ITGBL1: variants seen among roughly 807,000 people sequenced by gnomAD.
ITGBL1 encodes integrin beta-like protein 1.
In ITGBL1, 51 loss-of-function variants were observed where a neutral mutation model predicts 68.5. The ratio of observed to expected loss-of-function variants is 0.74; its 90% CI spans 0.59 to 0.94. ITGBL1 has a LOEUF of 0.94. Ranked by LOEUF, ITGBL1 falls within the 40% of genes least tolerant of loss-of-function variation. The probability of loss-of-function intolerance (pLI) is 0.00; values close to 1 mark genes in which losing one functional copy is unlikely to be tolerated. For synonymous variants in ITGBL1, 209 were observed against 227.3 expected, an observed-to-expected ratio of 0.92 and a Z score of 0.72; for missense variants, 649 against 647.4, an observed-to-expected ratio of 1.00 and a Z score of -0.03.
chr13:101,574,670 T>C (rs2050326501), intron 3 of ITGBL1, among the ~76,000 whole-genome samples: 1 of 152,142 alleles, frequency 6.6e-6, no homozygotes, highest in Non-Finnish European at 1.5e-5. Flanking sequence ...CAAGTGGGCA[T>C]TCTACCTCTC....
At position 101,526,693 on chromosome 13, in the gene ITGBL1, GAA is replaced by G. The variant is rs1185062055; in HGVS notation, c.317-41003_317-41002del. ...TGTGTGTGTGTGTGTGTGTATGTAA[GAA>G]AAGTTCAGTAAACACCTTTAGCACC... is the stretch of plus-strand genomic sequence containing the variant. On this transcript the variant is annotated intron_variant, in intron 2 of 10. Transcript: ENST00000376180. Among the ~76,000 whole-genome samples the G allele has an allele frequency of 1.6e-4, 24 of 146,874 alleles. No individual in the cohort carries two copies. The Admixed American group carries it at 1.7e-3, about 10-fold the overall frequency.
At chr13:101,693,736 G>A (rs566346812) in intron 8 of ITGBL1, among the ~76,000 whole-genome samples, 2 of 151,942 alleles carry the variant, frequency 1.3e-5, no homozygotes, top group Non-Finnish European at 2.9e-5. Context: ...TCTAACCAAC[G>A]ATAAGACATT....
intron 2 of ITGBL1, among the ~76,000 whole-genome samples, chr13:101,511,826 C>T (rs576532229): frequency 3.5e-4 from 53 of 152,188 alleles, no homozygotes; most frequent in Non-Finnish European, 1.2e-4. Context: ...TGTGCCCAGA[C>T]TCCTGATCTG....
intron 2 of ITGBL1, among the ~76,000 whole-genome samples, chr13:101,512,745 T>C (rs1445177783): frequency 6.6e-6 from 1 of 152,178 alleles, no homozygotes; most frequent in African/African-American, 2.4e-5. Context: ...TGGATTCTTA[T>C]CTATAATTAC....
chr13:101,624,544 A>T (rs971078343), intron 7 of ITGBL1, among the ~76,000 whole-genome samples: 4 of 152,184 alleles, frequency 2.6e-5, no homozygotes, highest in African/African-American at 9.6e-5. Context: ...AGAAAAACAG[A>T]GGTAGAATAA....
chr13:101,494,509 C>G (rs1348543378), intron 2 of ITGBL1, among the ~76,000 whole-genome samples: 1 of 152,174 alleles, frequency 6.6e-6, no homozygotes, highest in Non-Finnish European at 1.5e-5. Flanking sequence ...TTCATACGCA[C>G]TTTCTCACAT....
chr13:101,457,170 A>G (rs1329102755), intron 2 of ITGBL1, among the ~76,000 whole-genome samples: 1 of 152,226 alleles, frequency 6.6e-6, no homozygotes, highest in African/African-American at 2.4e-5. Context: ...TATTATTACA[A>G]TGATGCATAA....
intron 2 of ITGBL1, among the ~76,000 whole-genome samples, chr13:101,473,172 A>G (rs370790264): frequency 6.4e-4 from 97 of 152,198 alleles, no homozygotes; most frequent in Non-Finnish European, 1.5e-5. Context: ...CATGCAGGAA[A>G]GCACCTTTAT....
At chr13:101,497,610 CT>C (rs758920837) in intron 2 of ITGBL1, among the ~76,000 whole-genome samples, 1 of 152,148 alleles carries the variant, frequency 6.6e-6, no homozygotes, top group Non-Finnish European at 1.5e-5. Context: ...TTTGATTCCA[CT>C]TGGTGTGTTT....
intron 5 of ITGBL1, among the ~76,000 whole-genome samples, chr13:101,581,032 A>G (rs2050449367): frequency 6.6e-6 from 1 of 152,090 alleles, no homozygotes; most frequent in Non-Finnish European, 1.5e-5. Flanking sequence ...TCAAAAGATA[A>G]TACTCCTGAC....
chr13:101,692,559 G>A (rs1177178160), intron 7 of ITGBL1, 26 bp from the exon 8 acceptor site: 1 of 1,482,110 alleles, frequency 6.7e-7, no homozygotes, highest in Non-Finnish European at 9.4e-7. Context: ...CTCCTCATAA[G>A]TGTGCACTTT....
At chr13:101,713,757 G>T (rs542597848) in intron 9 of ITGBL1, 1 of 152,060 alleles carries the variant, frequency 6.6e-6, no homozygotes, top group Non-Finnish European at 1.5e-5. Context: ...AAGTTTTTTA[G>T]TTAGGTAGGA....
chr13:101,681,956 A>G (rs1472551886), intron 7 of ITGBL1, among the ~76,000 whole-genome samples: 1 of 152,212 alleles, frequency 6.6e-6, no homozygotes. Flanking sequence ...GTCAAACTTC[A>G]CAATTTCACA....
intron 8 of ITGBL1, among the ~76,000 whole-genome samples, chr13:101,696,559 A>G (rs61094422): frequency 0.02 from 3,028 of 152,178 alleles, 113 homozygotes; most frequent in African/African-American, 0.069. Context: ...CTCCTTGTGA[A>G]TAACTTATTG....
At chr13:101,717,812 GC>G (rs2034783092), downstream of ITGBL1, 2 of 152,116 alleles carry the variant, frequency 1.3e-5, no homozygotes, top group Admixed American at 1.3e-4. Flanking sequence ...CACTGGAACT[GC>G]CCTTGATTCT....
chr13:101,605,150 A>G (rs571927357), intron 7 of ITGBL1, among the ~76,000 whole-genome samples: 1 of 118,754 alleles, frequency 8.4e-6, no homozygotes, highest in East Asian at 2.4e-4. Flanking sequence ...ATATATACAT[A>G]TGTGTGTGTA....
At chr13:101,625,978 G>A (rs2031761342) in intron 7 of ITGBL1, among the ~76,000 whole-genome samples, 1 of 152,162 alleles carries the variant, frequency 6.6e-6, no homozygotes, top group Non-Finnish European at 1.5e-5. Context: ...TTTACCCAGG[G>A]AGAAAGGAGA....
intron 2 of ITGBL1, among the ~76,000 whole-genome samples, chr13:101,462,832 C>T (rs1566685141): frequency 1.3e-5 from 2 of 152,324 alleles, no homozygotes; most frequent in East Asian, 1.9e-4. Flanking sequence ...ATCCACCTGC[C>T]TTGGCCTCCC....
At chr13:101,559,299 G>T (rs2050062370) in intron 2 of ITGBL1, among the ~76,000 whole-genome samples, 1 of 152,084 alleles carries the variant, frequency 6.6e-6, no homozygotes, top group Non-Finnish European at 1.5e-5. Flanking sequence ...AATAATTGAG[G>T]ATATAGTATG....
Sources: gnomAD v4.1 joint callset for allele counts (sites outside exome capture counted in the v4.1 genomes callset) on GRCh38, gnomAD v4.1.1 for gene constraint, MANE v1.5 for transcripts, NCBI Gene and HGNC (gene_info 2026-07-23, HGNC 2026-07-21) for gene names.